DNAJB6: variants seen among roughly 807,000 people sequenced by gnomAD.
The protein encoded by DNAJB6 is DnaJ heat shock protein family (Hsp40) member B6.
Under a neutral mutation model 42.7 loss-of-function variants are expected in DNAJB6, and 16 were observed. The ratio of observed to expected loss-of-function variants is 0.37; its 90% CI spans 0.25 to 0.57. The LOEUF is 0.57. DNAJB6 is among the 20% of genes least tolerant of loss of function. The pLI is 0.74. For missense variants in DNAJB6, 347 were observed against 416.8 expected (o/e 0.83, Z 1.46); for synonymous variants, 170 against 163.5 (o/e 1.04, Z -0.30).
chr7:157,409,463 G>T (rs759466717), intron 8 of DNAJB6, among the ~76,000 whole-genome samples: 2 of 152,240 alleles, frequency 1.3e-5, no homozygotes, highest in Non-Finnish European at 2.9e-5. Flanking sequence ...TTTTGACAGC[G>T]AACTTGTCAG....
intron 8 of DNAJB6, among the ~76,000 whole-genome samples, chr7:157,397,527 A>G (rs1241478593): frequency 6.6e-6 from 1 of 152,216 alleles, no homozygotes; most frequent in Admixed American, 6.5e-5. Context: ...GAGGAATCCA[A>G]CAGGAGACTT....
chr7:157,339,280 C>CTTTT (rs1798214978), intron 1 of DNAJB6, among the ~76,000 whole-genome samples: 1 of 116,504 alleles, frequency 8.6e-6, no homozygotes, highest in Non-Finnish European at 1.9e-5. Context: ...TCTGTTTGCA[C>CTTTT]CTTTTTTTTT....
chr7:157,410,214 A>C, intron 9 of DNAJB6: 1 of 1,234,776 alleles, frequency 8.1e-7, no homozygotes, highest in Non-Finnish European at 1.1e-6. Flanking sequence ...CACCGTTAAA[A>C]CGGGGTCCGC....
intron 9 of DNAJB6, chr7:157,411,313 G>A (rs1296671402): frequency 6.8e-6 from 1 of 147,388 alleles, no homozygotes; most frequent in African/African-American, 2.5e-5. Context: ...ACTGAGCGGG[G>A]TGGGGGAGAC....
At chr7:157,386,791 G>A (rs1412704497) in intron 8 of DNAJB6, among the ~76,000 whole-genome samples, 1 of 151,764 alleles carries the variant, frequency 6.6e-6, no homozygotes, top group Non-Finnish European at 1.5e-5. Context: ...GGCTGAGGCA[G>A]AAGAATTGCT....
rs76750571 is a variant in DNAJB6, at chr7:157,405,327, T to C, written c.692-4468T>C. Among the ~76,000 whole-genome samples, 301 of 152,278 alleles carry C rather than the reference T, an allele frequency of 2.0e-3. 6 individuals are homozygous for C. In the East Asian group the frequency reaches 0.035, roughly 18 times the overall value. Reference sequence around the variant, plus strand: ...TGCTGAGTTGTGTGTTCCTCGGCCCTCTGTGTGGCGCCTGCTTCCAGGCTG... The same window carrying C: ...TGCTGAGTTGTGTGTTCCTCGGCCCCCTGTGTGGCGCCTGCTTCCAGGCTG... On this transcript the variant is annotated intron_variant, in intron 8 of 9. Transcript: ENST00000262177.
intron 8 of DNAJB6, among the ~76,000 whole-genome samples, chr7:157,405,552 G>A (rs573679633): frequency 1.1e-4 from 16 of 152,182 alleles, no homozygotes; most frequent in South Asian, 6.2e-4. Flanking sequence ...GAGAGTTCAC[G>A]CAGTGGCCCT....
At chr7:157,394,724 G>A (rs1801501117) in intron 8 of DNAJB6, among the ~76,000 whole-genome samples, 2 of 152,096 alleles carry the variant, frequency 1.3e-5, no homozygotes, top group Admixed American at 6.5e-5. Context: ...GTTAAGGATG[G>A]GTGCGATTTC....
intron 5 of DNAJB6, among the ~76,000 whole-genome samples, chr7:157,368,445 G>A (rs1364467750): frequency 1.3e-5 from 2 of 152,214 alleles, no homozygotes; most frequent in African/African-American, 4.8e-5. Context: ...TTGAGAGTTT[G>A]CGGAAAGGCA....
intron 8 of DNAJB6, among the ~76,000 whole-genome samples, chr7:157,396,432 C>A (rs1253939013): frequency 6.6e-6 from 1 of 152,198 alleles, no homozygotes; most frequent in African/African-American, 2.4e-5. Context: ...ATGTAGTGGG[C>A]AGTTAGAAAC....
chr7:157,388,874 A>C (rs1019292226), intron 8 of DNAJB6, among the ~76,000 whole-genome samples: 1 of 152,144 alleles, frequency 6.6e-6, no homozygotes, highest in Non-Finnish European at 1.5e-5. Flanking sequence ...ATTATTCCTT[A>C]TATTTCTATC....
At chr7:157,367,536 C>T in intron 5 of DNAJB6, 53 bp downstream of exon 5, 1 of 1,083,090 alleles carries the variant, frequency 9.2e-7, no homozygotes, top group Non-Finnish European at 1.4e-6. Context: ...CAAATGAGGG[C>T]TTACTTAGTA....
intron 5 of DNAJB6, among the ~76,000 whole-genome samples, chr7:157,374,833 C>G (rs1446733697): frequency 6.6e-6 from 1 of 152,144 alleles, no homozygotes; most frequent in African/African-American, 2.4e-5. Flanking sequence ...TGTTTCCTCC[C>G]TTGTATTTTG....
chr7:157,353,517 C>T (rs536153769), intron 1 of DNAJB6, among the ~76,000 whole-genome samples: 1 of 151,800 alleles, frequency 6.6e-6, no homozygotes, highest in East Asian at 1.9e-4. Flanking sequence ...ATCCGAGGAA[C>T]CCAGATTGTA....
intron 5 of DNAJB6, among the ~76,000 whole-genome samples, chr7:157,371,849 A>G (rs1446119715): frequency 6.6e-6 from 1 of 152,238 alleles, no homozygotes; most frequent in African/African-American, 2.4e-5. Context: ...AGCAGGCATT[A>G]CATCTGGGAA....
At chr7:157,350,954 GAC>G (rs1798939886) in intron 1 of DNAJB6, among the ~76,000 whole-genome samples, 1 of 145,336 alleles carries the variant, frequency 6.9e-6, no homozygotes, top group African/African-American at 2.6e-5. Flanking sequence ...TTTTTTTTGA[GAC>G]AGAGTTTCGC....
chr7:157,383,183 T>A (rs1800874325), intron 6 of DNAJB6, among the ~76,000 whole-genome samples: 1 of 152,138 alleles, frequency 6.6e-6, no homozygotes, highest in Admixed American at 6.5e-5. Flanking sequence ...ATTTTTGTAT[T>A]TTTAATGGAG....
chr7:157,337,340 TGGGGCC>T (rs1029191556), intron 1 of DNAJB6, among the ~76,000 whole-genome samples, 196 bp downstream of exon 1: 15 of 138,304 alleles, frequency 1.1e-4, no homozygotes, highest in South Asian at 2.4e-4. Context: ...GGGTCAGGTC[TGGGGCC>T]GGGGCCGGGG....
rs531433779 is a variant in DNAJB6, at chr7:157,364,191, C to T, written c.175+921C>T. On this transcript the variant is annotated intron_variant, in intron 3 of 9. Transcript: ENST00000262177. Reference sequence around the variant, plus strand: ...CTGCACTCCAGCCTGGGCGACAGTGCGAGACTGTCTCCAAAAAACAAAACA... The same window carrying T: ...CTGCACTCCAGCCTGGGCGACAGTGTGAGACTGTCTCCAAAAAACAAAACA... Among the ~76,000 whole-genome samples the T allele has an allele frequency of 3.3e-5, 5 of 151,800 alleles. No homozygotes were observed. The South Asian group carries it at 6.2e-4, about 19-fold the overall frequency.
Sources: allele counts gnomAD v4.1 joint callset (sites outside exome capture counted in the v4.1 genomes callset), GRCh38; gene constraint gnomAD v4.1.1; transcripts MANE v1.5; gene names NCBI Gene and HGNC (gene_info 2026-07-23, HGNC 2026-07-21).